The following SECISBP2 variants were observed in gnomAD, a reference collection of about 807,000 sequenced individuals.
The protein encoded by SECISBP2 is SECIS binding protein 2.
In SECISBP2, 96 loss-of-function variants were observed where a neutral mutation model predicts 98.2. The observed-to-expected ratio is 0.98, with a 90% CI of 0.83 to 1.16. SECISBP2 has a LOEUF of 1.16. SECISBP2 is among the 50% of genes most tolerant of loss of function. The pLI is 0.00. For missense variants in SECISBP2, 1,046 were observed against 1,022.9 expected (o/e 1.02, Z -0.31); for synonymous variants, 407 against 370.2 (o/e 1.10, Z -1.14).
intron 14 of SECISBP2, chr9:89,355,050 C>G: frequency 5.1e-6 from 5 of 985,342 alleles, no homozygotes; most frequent in Non-Finnish European, 6.0e-6. Flanking sequence ...TTGGGTAGAT[C>G]AGGGGCAGGG....
At chr9:89,343,968 C>A (rs916641681) in intron 10 of SECISBP2, among the ~76,000 whole-genome samples, 7 of 152,190 alleles carry the variant, frequency 4.6e-5, no homozygotes, top group African/African-American at 1.7e-4. Context: ...AGTGTATAAG[C>A]GATTCTTTTT....
intron 14 of SECISBP2, among the ~76,000 whole-genome samples, chr9:89,352,813 G>A (rs77589206): frequency 0.066 from 9,971 of 150,548 alleles, 456 homozygotes; most frequent in Middle Eastern, 0.12. Flanking sequence ...TATTTTTTGG[G>A]AGCTGTTTTT....
intron 12 of SECISBP2, among the ~76,000 whole-genome samples, chr9:89,349,448 C>CA (rs1830929155): frequency 6.6e-6 from 1 of 152,070 alleles, no homozygotes; most frequent in Admixed American, 6.5e-5. Flanking sequence ...TCTTCAAAAT[C>CA]AAAAAATAAA....
At chr9:89,350,056 A>ACCTCAT in intron 13 of SECISBP2, 127 bp downstream of exon 13, 2 of 1,121,210 alleles carry the variant, frequency 1.8e-6, no homozygotes, top group Non-Finnish European at 1.3e-6. Context: ...CATGGTTGAA[A>ACCTCAT]GAAGCTGGGT....
At chr9:89,364,435 A>AGG, downstream of SECISBP2, 1 of 225,942 alleles carries the variant, frequency 4.4e-6, no homozygotes. Flanking sequence ...GGGGACCATG[A>AGG]GGGCCTGTCT....
intron 14 of SECISBP2, chr9:89,356,973 C>T (rs951205435): frequency 4.9e-5 from 14 of 285,716 alleles, no homozygotes; most frequent in African/African-American, 2.9e-4. Flanking sequence ...GTCCCTGGCC[C>T]AGAAGCAGGG....
intron 7 of SECISBP2, among the ~76,000 whole-genome samples, chr9:89,337,201 C>T (rs1328315397): frequency 6.6e-6 from 1 of 152,042 alleles, no homozygotes; most frequent in Admixed American, 6.6e-5. Context: ...TAAAAATTTT[C>T]TTAATTATAG....
intron 2 of SECISBP2, 106 bp downstream of exon 2, chr9:89,319,903 T>G (rs986694268): frequency 5.9e-6 from 7 of 1,178,804 alleles, no homozygotes; most frequent in Non-Finnish European, 7.6e-6. Context: ...CTGCAGATGA[T>G]GAGAGAATGC....
At chr9:89,325,785 G>A (rs1826588742) in intron 3 of SECISBP2, 109 bp downstream of exon 3, 1 of 1,588,826 alleles carries the variant, frequency 6.3e-7, no homozygotes, top group Non-Finnish European at 8.6e-7. Flanking sequence ...GTATTTTTTT[G>A]TATTTAACCT....
At chr9:89,354,798 G>A (rs1273478518) in intron 14 of SECISBP2, 1 of 985,292 alleles carries the variant, frequency 1.0e-6, no homozygotes, top group African/African-American at 1.7e-5. Context: ...TCACTCCCGG[G>A]AGCTGGGGTG....
Position 89,346,261 on chromosome 9 carries a change from G to A in SECISBP2, c.1436-621G>A, listed in dbSNP as rs139650555. On this transcript the variant is annotated intron_variant, in intron 10 of 16. Transcript: ENST00000375807. ...TGAGATGGGAAATAGAACAGAAAAG[G>A]AGAATAAAATTGAAATGTTCAGTAG... is the stretch of plus-strand genomic sequence containing the variant. 7.7e-3 allele frequency among the ~76,000 whole-genome samples: 1,172 copies of A among 152,266 alleles called. 9 individuals carry two copies. The highest frequency in any genetic ancestry group is 0.018 in the South Asian group (88 of 4,824).
intron 2 of SECISBP2, 156 bp from the exon 3 acceptor site, chr9:89,325,271 C>A: frequency 1.5e-6 from 1 of 683,370 alleles, no homozygotes; most frequent in Non-Finnish European, 2.4e-6. Context: ...AAAGAAACAC[C>A]CAGAGATTTT....
At chr9:89,348,315 C>T in intron 12 of SECISBP2, 101 bp downstream of exon 12, 1 of 1,380,756 alleles carries the variant, frequency 7.2e-7, no homozygotes, top group Non-Finnish European at 1.0e-6. Flanking sequence ...GCTGACTCCT[C>T]TTCCTTTTGT....
rs1013406843 is a variant in SECISBP2, at chr9:89,329,571, C to G, written c.801+685C>G. 3 of 152,556 alleles carry G rather than the reference C, an allele frequency of 2.0e-5. No homozygotes were observed. In the South Asian group the frequency reaches 6.2e-4, roughly 31 times the overall value. The allele number at this position is 152,556 out of a possible 1,614,324, so 9.5% of individuals were successfully genotyped here. A position where few individuals can be genotyped will look rare whatever the true frequency, so the allele number is the denominator to read the frequency against. ...CCGCCTTCCGGGTTCAAGCAGTTCT[C>G]CTGCCTCAGCCTCCGGAGTAGCTGG... On this transcript the variant is annotated intron_variant, in intron 5 of 16. Coordinates refer to ENST00000375807, the MANE Select transcript of SECISBP2 (RefSeq NM_024077.5).
chr9:89,326,276 A>G (rs1294149600), intron 4 of SECISBP2, among the ~76,000 whole-genome samples: 1 of 152,196 alleles, frequency 6.6e-6, no homozygotes, highest in Non-Finnish European at 1.5e-5. Flanking sequence ...AGTGCCTATA[A>G]TTTGTATTAT....
At chr9:89,336,974 A>G (rs1828849906) in intron 7 of SECISBP2, among the ~76,000 whole-genome samples, 1 of 151,820 alleles carries the variant, frequency 6.6e-6, no homozygotes, top group Admixed American at 6.6e-5. Context: ...GGGTTTCACC[A>G]TGTTGGTCAG....
chr9:89,319,933 T>A (rs949920831), intron 2 of SECISBP2, 136 bp downstream of exon 2: 1 of 933,048 alleles, frequency 1.1e-6, no homozygotes, highest in South Asian at 1.4e-5. Flanking sequence ...AAGAAGAGTC[T>A]GAGCCAGTAG....
chr9:89,359,023 C>T lies in SECISBP2; in HGVS notation c.*199C>T. 1 of 591,086 alleles carries T rather than the reference C, an allele frequency of 1.7e-6. No homozygotes were observed. Among genetic ancestry groups the T allele is most frequent in the Non-Finnish European group, 3.0e-6 (1 of 332,644 alleles). 36.6% of individuals were successfully genotyped at this position (591,086 alleles called of 1,614,324 possible). A position where few individuals can be genotyped will look rare whatever the true frequency, so the allele number is the denominator to read the frequency against. ...GCCTGTTAAAGGTCACTCAGATGTG[C>T]AGGTGTTAATCTTCTCTAAAAGCCT... On this transcript the variant is annotated 3_prime_UTR_variant, in exon 17 of 17. Coordinates refer to ENST00000375807, the MANE Select transcript of SECISBP2 (RefSeq NM_024077.5).
At chr9:89,344,118 C>G (rs893996328) in intron 10 of SECISBP2, among the ~76,000 whole-genome samples, 1 of 152,142 alleles carries the variant, frequency 6.6e-6, no homozygotes, top group African/African-American at 2.4e-5. Flanking sequence ...GTGTATGTCT[C>G]TTGAAAAGTG....
Sources: allele counts gnomAD v4.1 joint callset (sites outside exome capture counted in the v4.1 genomes callset), GRCh38; gene constraint gnomAD v4.1.1; transcripts MANE v1.5; gene names NCBI Gene and HGNC (gene_info 2026-07-23, HGNC 2026-07-21).